Variants in RAPGEF6 observed in about 807,000 individuals in gnomAD.
RAPGEF6 encodes the protein Rap guanine nucleotide exchange factor 6.
Under a neutral mutation model 171.4 loss-of-function variants are expected in RAPGEF6, and 56 were observed. That is an observed-to-expected ratio of 0.33 (90% CI 0.26 to 0.41). The LOEUF is 0.41. RAPGEF6 is among the 10% of genes least tolerant of loss of function. RAPGEF6 has a pLI of 1.00. For missense variants in RAPGEF6, 1,674 were observed against 1,921.4 expected, an observed-to-expected ratio of 0.87 and a Z score of 2.41; for synonymous variants, 692 against 650.1, an observed-to-expected ratio of 1.06 and a Z score of -0.98.
At chr5:131,503,524 G>T (rs1216702216) in intron 11 of RAPGEF6, among the ~76,000 whole-genome samples, 1 of 152,166 alleles carries the variant, frequency 6.6e-6, no homozygotes, top group East Asian at 1.9e-4. Context: ...CTGAGGAATA[G>T]CCTGACTCTA....
intron 4 of RAPGEF6, among the ~76,000 whole-genome samples, chr5:131,569,971 G>A (rs1425800039): frequency 1.3e-5 from 2 of 148,182 alleles, no homozygotes; most frequent in African/African-American, 5.0e-5. Flanking sequence ...GACCCCGGGA[G>A]GCAGAGGTTG....
intron 7 of RAPGEF6, among the ~76,000 whole-genome samples, chr5:131,520,938 C>T (rs1165211621): frequency 6.6e-6 from 1 of 152,146 alleles, no homozygotes; most frequent in Middle Eastern, 3.2e-3. Context: ...CATCAATATT[C>T]TCACTAATTT....
chr5:131,465,991 C>T (rs1206424016), intron 17 of RAPGEF6, among the ~76,000 whole-genome samples: 1 of 151,018 alleles, frequency 6.6e-6, no homozygotes, highest in Non-Finnish European at 1.5e-5. Context: ...CTCAAAATGT[C>T]CTGAGGTATA....
chr5:131,505,444 C>T lies in RAPGEF6; in HGVS notation c.1021G>A (p.Gly341Arg). The change falls in exon 10 of 28, where the codon GGA (glycine) becomes AGA (arginine). Residue 341 changes from glycine (G) to arginine (R), a missense_variant. Around this residue, in one of 3 missense-constraint regions of RAPGEF6, gnomAD observed 1,116 missense variants for 1,321.5 expected, o/e 0.84. Coordinates refer to ENST00000509018, the MANE Select transcript of RAPGEF6 (RefSeq NM_016340.6). ...PDGKVENLFM[G>R]NSFGITPTLD... is the part of the protein sequence containing the mutation. ...GTGGGAGTAATTCCAAAACTATTTC[C>T]CATAAACAAATTTTCAACTTTTCCA... The T allele has an allele frequency of 1.2e-6, 2 of 1,613,522 alleles. No individual in the cohort carries two copies. Among genetic ancestry groups the T allele is most frequent in the Non-Finnish European group, 1.7e-6 (2 of 1,179,684 alleles).
At chr5:131,526,919 T>C (rs1758903643) in intron 6 of RAPGEF6, among the ~76,000 whole-genome samples, 1 of 152,156 alleles carries the variant, frequency 6.6e-6, no homozygotes, top group African/African-American at 2.4e-5. Flanking sequence ...TTACAAAGTC[T>C]GCTGAATACT....
At chr5:131,502,757 T>C (rs1757107733) in intron 11 of RAPGEF6, among the ~76,000 whole-genome samples, 1 of 152,206 alleles carries the variant, frequency 6.6e-6, no homozygotes, top group Non-Finnish European at 1.5e-5. Context: ...ATTATTGGGA[T>C]AGCTGGTGAA....
At chr5:131,499,740 G>A (rs574147514) in intron 11 of RAPGEF6, among the ~76,000 whole-genome samples, 2 of 152,108 alleles carry the variant, frequency 1.3e-5, no homozygotes, top group Admixed American at 1.3e-4. Context: ...TATAAAAACT[G>A]TTATCCATAA....
chr5:131,463,836 T>C lies in RAPGEF6; in HGVS notation c.2480+205A>G, dbSNP rs75000550. 8.1e-4 allele frequency: 1,000 copies of C among 1,232,808 alleles called. 13 individuals carry two copies. In the African/African-American group the frequency reaches 0.014, roughly 18 times the overall value. The allele number at this position is 1,232,808 out of a possible 1,614,324, so 76.4% of individuals were successfully genotyped here. On this transcript the variant is annotated intron_variant, in intron 18 of 27. Coordinates refer to ENST00000509018, the MANE Select transcript of RAPGEF6 (RefSeq NM_016340.6). ...TGAAGATTTGTATCATTCAGCTTCC[T>C]CTATAAAAAAACAGGAACTAGATTA...
intron 19 of RAPGEF6, among the ~76,000 whole-genome samples, chr5:131,459,277 CTTT>C (rs1753739656): frequency 1.3e-5 from 2 of 152,106 alleles, no homozygotes; most frequent in Admixed American, 1.3e-4. Flanking sequence ...AGATATATTT[CTTT>C]ATCTCACTGT....
At chr5:131,599,507 C>T (rs1403941242) in intron 3 of RAPGEF6, among the ~76,000 whole-genome samples, 1 of 152,066 alleles carries the variant, frequency 6.6e-6, no homozygotes. Context: ...CAGAGATACA[C>T]ACACACACAC....
At chr5:131,543,874 A>G (rs1197323297) in intron 6 of RAPGEF6, among the ~76,000 whole-genome samples, 2 of 152,218 alleles carry the variant, frequency 1.3e-5, no homozygotes, top group Non-Finnish European at 2.9e-5. Context: ...AAGACATTTA[A>G]ATTTGTTGCA....
chr5:131,435,808 G>A, intron 24 of RAPGEF6: 2 of 1,375,972 alleles, frequency 1.5e-6, no homozygotes, highest in Non-Finnish European at 1.9e-6. Context: ...AATAACTTAT[G>A]TACAAATGAG....
At chr5:131,534,420 T>C (rs966685577) in intron 6 of RAPGEF6, among the ~76,000 whole-genome samples, 8 of 152,172 alleles carry the variant, frequency 5.3e-5, no homozygotes, top group African/African-American at 1.9e-4. Flanking sequence ...AAATATGTAA[T>C]TATTTAGATT....
At position 131,518,385 on chromosome 5, in the gene RAPGEF6, T is replaced by C. The variant is rs745804956; in HGVS notation, c.627+3005A>G. On this transcript the variant is annotated intron_variant, in intron 7 of 27. Transcript: ENST00000509018. ...GCTATGGTCCTAAAGTTAACTGTTATGTCAGAGTTTGAAATTTTTTTTTTT... is the reference window on the plus strand; with the variant it reads ...GCTATGGTCCTAAAGTTAACTGTTACGTCAGAGTTTGAAATTTTTTTTTTT... Among the ~76,000 whole-genome samples, 4 of 142,190 alleles carry C rather than the reference T, an allele frequency of 2.8e-5. No homozygotes were observed. The Admixed American group carries it at 3.0e-4, about 11-fold the overall frequency. The allele number at this position is 142,190 out of a possible 152,430, so 93.3% of individuals were successfully genotyped here. A position where few individuals can be genotyped will look rare whatever the true frequency, so the allele number is the denominator to read the frequency against.
intron 4 of RAPGEF6, among the ~76,000 whole-genome samples, chr5:131,587,291 T>C (rs1199982440): frequency 6.6e-6 from 1 of 152,132 alleles, no homozygotes; most frequent in African/African-American, 2.4e-5. Flanking sequence ...TATACAAAAA[T>C]GTTCACAGCT....
intron 15 of RAPGEF6, among the ~76,000 whole-genome samples, chr5:131,484,156 CA>C (rs1366510603): frequency 6.8e-6 from 1 of 147,882 alleles, no homozygotes; most frequent in Non-Finnish European, 1.5e-5. Context: ...AAAAGGTGCT[CA>C]ACCTTACTTG....
At chr5:131,464,417 A>C in intron 17 of RAPGEF6, 136 bp from the exon 18 acceptor site, 1 of 684,602 alleles carries the variant, frequency 1.5e-6, no homozygotes, top group Non-Finnish European at 2.5e-6. Flanking sequence ...AACAGAAGTC[A>C]CTGTTGCATT....
chr5:131,482,260 A>G (rs1755537087), intron 15 of RAPGEF6, among the ~76,000 whole-genome samples: 2 of 102,858 alleles, frequency 1.9e-5, no homozygotes, highest in African/African-American at 3.9e-5. Flanking sequence ...GGTAATATAT[A>G]CACACACGTG....
intron 6 of RAPGEF6, among the ~76,000 whole-genome samples, chr5:131,529,998 C>A (rs577595903): frequency 6.7e-6 from 1 of 149,726 alleles, no homozygotes; most frequent in Admixed American, 6.7e-5. Flanking sequence ...ACCTCTGCCT[C>A]CCGGATTCAA....
Sources: gnomAD v4.1 joint callset for allele counts (sites outside exome capture counted in the v4.1 genomes callset) on GRCh38, gnomAD v4.1.1 for gene constraint, gnomAD v4.1.1 regional missense constraint, MANE v1.5 for transcripts, NCBI Gene and HGNC (gene_info 2026-07-23, HGNC 2026-07-21) for gene names.